Variants in SLC9C2 observed in about 807,000 individuals in gnomAD.
SLC9C2 encodes solute carrier family 9 member C2 (putative).
SLC9C2 carries 75 observed loss-of-function variants against 140.2 expected under a neutral mutation model. The ratio of observed to expected loss-of-function variants is 0.53; its 90% CI spans 0.44 to 0.65. The LOEUF is 0.65. Among genes scored for constraint, SLC9C2 ranks in the 30% least tolerant of loss-of-function variants. The pLI is 0.00. For missense variants in SLC9C2, 1,074 were observed against 1,331.8 expected, an observed-to-expected ratio of 0.81 and a Z score of 3.01; for synonymous variants, 375 against 420.9, an observed-to-expected ratio of 0.89 and a Z score of 1.34.
chr1:173,507,752 T>C (rs1478053019), intron 24 of SLC9C2, among the ~76,000 whole-genome samples: 1 of 152,212 alleles, frequency 6.6e-6, no homozygotes, highest in African/African-American at 2.4e-5. Flanking sequence ...CAGCCATTTA[T>C]AAGCCAAGGA....
intron 3 of SLC9C2, among the ~76,000 whole-genome samples, chr1:173,598,912 GGAAT>G (rs1666598067): frequency 6.6e-6 from 1 of 152,162 alleles, no homozygotes; most frequent in Non-Finnish European, 1.5e-5. Context: ...CAAAAATAAA[GGAAT>G]GAGTGGAGGC....
chr1:173,575,677 C>T (rs1016685807), intron 8 of SLC9C2, among the ~76,000 whole-genome samples: 9 of 152,004 alleles, frequency 5.9e-5, no homozygotes, highest in African/African-American at 1.7e-4. Context: ...CCCGGGTTCA[C>T]GCCATTCTCC....
chr1:173,586,812 A>T (rs1374408373), intron 5 of SLC9C2, among the ~76,000 whole-genome samples: 3 of 152,156 alleles, frequency 2.0e-5, no homozygotes, highest in Non-Finnish European at 4.4e-5. Context: ...TCTCACTCAT[A>T]AGTGGGAGTT....
At chr1:173,501,331 C>T (rs979562740) in intron 27 of SLC9C2, among the ~76,000 whole-genome samples, 2 of 151,984 alleles carry the variant, frequency 1.3e-5, no homozygotes, top group Non-Finnish European at 2.9e-5. Flanking sequence ...TGAGAGTAGT[C>T]TATCAAAGGT....
chr1:173,512,637 C>G (rs966618467), intron 23 of SLC9C2, among the ~76,000 whole-genome samples: 1 of 152,104 alleles, frequency 6.6e-6, no homozygotes, highest in Admixed American at 6.5e-5. Flanking sequence ...ATTTGAATAC[C>G]TTTATTTCTT....
At chr1:173,523,901 A>C in intron 21 of SLC9C2, 68 bp downstream of exon 21, 1 of 1,548,700 alleles carries the variant, frequency 6.5e-7, no homozygotes, top group Non-Finnish European at 8.7e-7. Context: ...TTAATCTTTC[A>C]TTAGGGAGTG....
chr1:173,524,639 T>C, intron 20 of SLC9C2, 140 bp downstream of exon 20: 1 of 893,370 alleles, frequency 1.1e-6, no homozygotes, highest in Non-Finnish European at 1.7e-6. Flanking sequence ...TTCGTTGTCC[T>C]TTGCATTATC....
chr1:173,512,844 A>C (rs1169086501), intron 23 of SLC9C2, among the ~76,000 whole-genome samples: 1 of 152,144 alleles, frequency 6.6e-6, no homozygotes, highest in Non-Finnish European at 1.5e-5. Context: ...TACTTTATTG[A>C]GAGTTTTTAA....
At chr1:173,559,557 C>T (rs1663955215) in intron 9 of SLC9C2, among the ~76,000 whole-genome samples, 1 of 152,214 alleles carries the variant, frequency 6.6e-6, no homozygotes, top group Non-Finnish European at 1.5e-5. Context: ...TTGAGGTCTG[C>T]TGCCACTCCC....
rs1231744980 is a variant in SLC9C2 at position 173,517,664 on chromosome 1, T to C, written c.2780A>G (p.Gln927Arg). The C allele has an allele frequency of 6.2e-7, 1 of 1,613,534 alleles. No individual in the cohort carries two copies. Among genetic ancestry groups the C allele is most frequent in the Non-Finnish European group, 8.5e-7 (1 of 1,179,886 alleles). ...GTCTCTGGACCCTCTATCACACCTTTGATTACTCTCTATTCCAAAGGTAGG... is the reference window on the plus strand; with the variant it reads ...GTCTCTGGACCCTCTATCACACCTTCGATTACTCTCTATTCCAAAGGTAGG... ...LSPTFGIESN[Q>R]RCDRGSRDMF... Residue 927 changes from glutamine (Q) to arginine (R), a missense_variant, in exon 23 of 28, where the codon CAA becomes CGA. Coordinates refer to ENST00000367714, the MANE Select transcript of SLC9C2 (RefSeq NM_178527.4).
chr1:173,573,069 G>A (rs1664941557), intron 9 of SLC9C2, 113 bp downstream of exon 9: 2 of 689,760 alleles, frequency 2.9e-6, no homozygotes, highest in Middle Eastern at 3.4e-4. Context: ...AACAATGCCG[G>A]TTTCCTGGCT....
chr1:173,508,454 C>T (rs4456125), intron 24 of SLC9C2, among the ~76,000 whole-genome samples: 18,465 of 151,960 alleles, frequency 0.12, 3,765 homozygotes, highest in African/African-American at 0.42. Flanking sequence ...ACAGTTTCTA[C>T]CCATTGGTCC....
intron 24 of SLC9C2, among the ~76,000 whole-genome samples, chr1:173,508,917 G>A (rs1032862158): frequency 2.6e-5 from 4 of 152,118 alleles, no homozygotes. Context: ...TATTAACATC[G>A]GCAGAGTAGG....
At chr1:173,511,153 C>A (rs1293485256) in intron 23 of SLC9C2, among the ~76,000 whole-genome samples, 2 of 150,696 alleles carry the variant, frequency 1.3e-5, no homozygotes, top group Non-Finnish European at 2.9e-5. Flanking sequence ...CCTGCCTCAG[C>A]CACCCGAGTA....
chr1:173,514,882 A>G (rs1262169775), intron 23 of SLC9C2, among the ~76,000 whole-genome samples: 1 of 152,118 alleles, frequency 6.6e-6, no homozygotes, highest in Non-Finnish European at 1.5e-5. Flanking sequence ...GCTTGTCTGG[A>G]AAGAATTTTA....
intron 10 of SLC9C2, 99 bp from the exon 11 acceptor site, chr1:173,554,913 T>C: frequency 1.3e-6 from 1 of 762,430 alleles, no homozygotes; most frequent in Non-Finnish European, 2.2e-6. Flanking sequence ...TCTATTAATA[T>C]CTTAATCCAC....
At chr1:173,537,476 C>T (rs1349060118) in intron 13 of SLC9C2, among the ~76,000 whole-genome samples, 2 of 151,972 alleles carry the variant, frequency 1.3e-5, no homozygotes, top group African/African-American at 2.4e-5. Flanking sequence ...GCAGGAGAAT[C>T]GCTTGAACCC....
At chr1:173,586,814 G>A (rs1571620611) in intron 5 of SLC9C2, among the ~76,000 whole-genome samples, 2 of 152,268 alleles carry the variant, frequency 1.3e-5, no homozygotes, top group South Asian at 4.1e-4. Flanking sequence ...TCACTCATAA[G>A]TGGGAGTTGA....
intron 13 of SLC9C2, among the ~76,000 whole-genome samples, chr1:173,540,023 G>A (rs6425240): frequency 0.15 from 22,635 of 152,112 alleles, 5,586 homozygotes; most frequent in African/African-American, 0.51. Flanking sequence ...GATTTGCTTT[G>A]ACTAATAAAA....
Sources: allele counts gnomAD v4.1 joint callset (sites outside exome capture counted in the v4.1 genomes callset), GRCh38; gene constraint gnomAD v4.1.1; transcripts MANE v1.5; gene names NCBI Gene and HGNC (gene_info 2026-07-23, HGNC 2026-07-21).